ANKH: variants seen among roughly 807,000 people sequenced by gnomAD.
ANKH encodes mineralization regulator ANKH.
Under a neutral mutation model 49.0 loss-of-function variants are expected in ANKH, and 15 were observed. The ratio of observed to expected loss-of-function variants is 0.31; its 90% confidence interval spans 0.20 to 0.47. The LOEUF is 0.47. Ranked by LOEUF, ANKH falls within the 20% of genes least tolerant of loss-of-function variation. The pLI, the probability that ANKH is intolerant of heterozygous loss-of-function variation, is 1.00. For synonymous variants in ANKH, 273 were observed against 260.0 expected (o/e 1.05, Z -0.48); for missense variants, 429 against 652.0 (o/e 0.66, Z 3.72).
chr5:14,717,388 C>T (rs142191756), intron 8 of ANKH, among the ~76,000 whole-genome samples: 1 of 152,290 alleles, frequency 6.6e-6, no homozygotes, highest in East Asian at 1.9e-4. Context: ...GAATGTGGAA[C>T]TCTGGAAAGC....
intron 1 of ANKH, among the ~76,000 whole-genome samples, chr5:14,781,941 T>C (rs1173931260): frequency 6.6e-6 from 1 of 152,222 alleles, no homozygotes; most frequent in Non-Finnish European, 1.5e-5. Context: ...CAATCTGGAA[T>C]ACAGGTTTAC....
chr5:14,730,376 T>C (rs535910841), intron 8 of ANKH, among the ~76,000 whole-genome samples: 4 of 152,184 alleles, frequency 2.6e-5, no homozygotes, highest in South Asian at 2.1e-4. Context: ...TCAAAACTTA[T>C]GGAAAAGAGG....
chr5:14,743,665 C>T (rs1044475567), intron 7 of ANKH, among the ~76,000 whole-genome samples: 74 of 152,188 alleles, frequency 4.9e-4, no homozygotes, highest in African/African-American at 1.7e-3. Flanking sequence ...TCTGGAAGTC[C>T]ATATGGAGGT....
chr5:14,848,552 C>G (rs1232103209), intron 1 of ANKH, among the ~76,000 whole-genome samples: 5 of 152,230 alleles, frequency 3.3e-5, no homozygotes, highest in Non-Finnish European at 7.3e-5. Context: ...CCATCGCAGA[C>G]CCGCCGCTGA....
intron 1 of ANKH, among the ~76,000 whole-genome samples, chr5:14,812,309 G>T (rs922641535): frequency 6.6e-6 from 1 of 151,884 alleles, no homozygotes; most frequent in Non-Finnish European, 1.5e-5. Context: ...GTCTGATGGG[G>T]ACCATGCTCT....
intron 1 of ANKH, among the ~76,000 whole-genome samples, chr5:14,850,843 G>A (rs754191820): frequency 2.0e-5 from 3 of 152,130 alleles, no homozygotes; most frequent in South Asian, 2.1e-4. Context: ...AGGCACAAAC[G>A]ATTAAAGCCC....
chr5:14,797,945 AAAGAC>A (rs1323139250), intron 1 of ANKH: 32 of 1,581,168 alleles, frequency 2.0e-5, no homozygotes, highest in Non-Finnish European at 2.7e-5. Flanking sequence ...TTGTATAGTC[AAAGAC>A]AAGAATATCA....
intron 1 of ANKH, among the ~76,000 whole-genome samples, chr5:14,836,924 T>C (rs1403930013): frequency 2.0e-5 from 3 of 152,140 alleles, no homozygotes; most frequent in Admixed American, 6.5e-5. Flanking sequence ...AACAGAGATA[T>C]AGACCAATGG....
At chr5:14,732,101 T>C (rs1561028679) in intron 8 of ANKH, among the ~76,000 whole-genome samples, 1 of 152,220 alleles carries the variant, frequency 6.6e-6, no homozygotes, top group Non-Finnish European at 1.5e-5. Context: ...AATTGGTCCT[T>C]ACTGGCATTT....
chr5:14,806,239 G>C (rs1580082852), intron 1 of ANKH, among the ~76,000 whole-genome samples: 1 of 151,866 alleles, frequency 6.6e-6, no homozygotes, highest in East Asian at 1.9e-4. Flanking sequence ...CTATGCAGCA[G>C]CTCTTGCCCC....
intron 2 of ANKH, chr5:14,768,658 G>T: frequency 2.3e-6 from 1 of 434,010 alleles, no homozygotes; most frequent in Non-Finnish European, 4.3e-6. Flanking sequence ...GTACAATGAC[G>T]CACACATATC....
At position 14,814,364 on chromosome 5, in the gene ANKH, G is replaced by A. The variant is rs556024264; in HGVS notation, c.97-45173C>T. On this transcript the variant is annotated intron_variant, in intron 1 of 11. Transcript: ENST00000284268. ...GCCTGTAATCCCAGCACTTTGGGAG[G>A]CTGAGGCAGGAGGACTGTTTGAGCC... 1.4e-3 allele frequency among the ~76,000 whole-genome samples: 220 copies of A among 152,338 alleles called. 2 individuals carry two copies. The highest frequency in any genetic ancestry group is 5.1e-3 in the African/African-American group (213 of 41,574).
intron 1 of ANKH, among the ~76,000 whole-genome samples, chr5:14,818,202 T>C (rs897728694): frequency 1.3e-5 from 2 of 152,146 alleles, no homozygotes; most frequent in African/African-American, 2.4e-5. Context: ...TCACCTGCCT[T>C]ATTCCATGTG....
chr5:14,751,321 C>A (rs1285210349), intron 4 of ANKH, 82 bp from the exon 5 acceptor site: 7 of 1,401,096 alleles, frequency 5.0e-6, no homozygotes, highest in Admixed American at 3.6e-5. Flanking sequence ...GCTCTTGAAC[C>A]TGAGACAGAC....
At chr5:14,755,061 CAAAA>C (rs71603737) in intron 4 of ANKH, among the ~76,000 whole-genome samples, 1 of 90,754 alleles carries the variant, frequency 1.1e-5, no homozygotes, top group Non-Finnish European at 2.5e-5. Context: ...AACTCTGTCT[CAAAA>C]AAAAAAAAAA....
At position 14,712,891 on chromosome 5, in the gene ANKH, A is replaced by G; in HGVS notation, c.1348T>C (p.Tyr450His). 6.2e-7 allele frequency: 1 copy of G among 1,611,696 alleles called. No homozygotes were observed. Among genetic ancestry groups the G allele is most frequent in the South Asian group, 1.1e-5 (1 of 90,334 alleles). The change falls in exon 11 of 12, where the codon TAT becomes CAT. Residue 450 changes from tyrosine (Y) to histidine (H), a missense_variant. Tyr to His is a moderately conservative substitution (Grantham distance 83, BLOSUM62 2). Around this residue, in one of 2 missense-constraint regions of ANKH, gnomAD observed 378 missense variants for 615.3 expected, o/e 0.61. Transcript: ENST00000284268. Reference sequence around the variant, plus strand: ...TGTCTCACCTGCTTCCGGTAGACATAGCACGCAGCGATGGCGACCATGGTG... The same window carrying G: ...TGTCTCACCTGCTTCCGGTAGACATGGCACGCAGCGATGGCGACCATGGTG... ...ESTMVAIAAC[Y>H]VYRKQKKKME...
At chr5:14,784,605 G>A (rs941862177) in intron 1 of ANKH, among the ~76,000 whole-genome samples, 1 of 152,220 alleles carries the variant, frequency 6.6e-6, no homozygotes, top group Non-Finnish European at 1.5e-5. Context: ...AAGAACGTAA[G>A]TCATGTGGTT....
chr5:14,746,290 C>CTTT lies in ANKH; in HGVS notation c.823-331_823-329dup, dbSNP rs3086709. On this transcript the variant is annotated intron_variant, in intron 6 of 11. Coordinates refer to ENST00000284268, the MANE Select transcript of ANKH (RefSeq NM_054027.6). Reference sequence around the variant, plus strand: ...ACCACTGGCTGGGAAGCCAAGATTCCTTTTTTTTTTTTTTCCTTCTCTCTT... The same window carrying CTTT: ...ACCACTGGCTGGGAAGCCAAGATTCCTTTTTTTTTTTTTTTTTCCTTCTCTCTT... 6.1e-3 allele frequency among the ~76,000 whole-genome samples: 876 copies of CTTT among 144,392 alleles called. 8 individuals are homozygous for CTTT. The highest frequency in any genetic ancestry group is 0.02 in the African/African-American group (798 of 39,228). The allele number at this position is 144,392 out of a possible 152,430, so 94.7% of individuals were successfully genotyped here.
chr5:14,749,124 GC>G, intron 6 of ANKH, 47 bp downstream of exon 6: 1 of 1,613,220 alleles, frequency 6.2e-7, no homozygotes, highest in Non-Finnish European at 8.5e-7. Flanking sequence ...GCACCCCCCT[GC>G]CCCACCAAGG....
Sources: gnomAD v4.1 joint callset for allele counts (sites outside exome capture counted in the v4.1 genomes callset) on GRCh38, gnomAD v4.1.1 for gene constraint, gnomAD v4.1.1 regional missense constraint, MANE v1.5 for transcripts, NCBI Gene and HGNC (gene_info 2026-07-23, HGNC 2026-07-21) for gene names.